The following METTL22 variants were observed in gnomAD, a reference collection of about 807,000 sequenced individuals.
METTL22 encodes the protein methyltransferase-like protein 22.
METTL22 carries 51 observed loss-of-function variants against 48.4 expected under a neutral mutation model. That is an observed-to-expected ratio of 1.05 (90% CI 0.84 to 1.33). The LOEUF is 1.33. Among genes scored for constraint, METTL22 ranks in the 40% most tolerant of loss-of-function variants. The pLI is 0.00. For missense variants in METTL22, 678 were observed against 526.9 expected (o/e 1.29, Z -2.81); for synonymous variants, 255 against 214.1 (o/e 1.19, Z -1.67).
chr16:8,657,619 T>G, the METTL22 span, among the ~76,000 whole-genome samples: 1 of 152,142 alleles, frequency 6.6e-6, no homozygotes, highest in Non-Finnish European at 1.5e-5. Context: ...TCCACCTTTT[T>G]GAAACTATAG....
chr16:8,641,633 A>T, intron 7 of METTL22: 2 of 322,606 alleles, frequency 6.2e-6, no homozygotes, highest in South Asian at 4.3e-5. Context: ...CTTTCTTTGT[A>T]TAAAGATGTC....
At chr16:8,637,546 G>A (rs925912466) in intron 5 of METTL22, among the ~76,000 whole-genome samples, 5 of 152,256 alleles carry the variant, frequency 3.3e-5, no homozygotes, top group Non-Finnish European at 7.3e-5. Flanking sequence ...AGAGCCCAGG[G>A]TTCCTATCTC....
At position 8,642,220 on chromosome 16, in the gene METTL22, C is replaced by T. The variant is rs1329267598; in HGVS notation, c.907+13C>T. On this transcript the variant is annotated intron_variant, in intron 8 of 10. Transcript: ENST00000381920. The stretch of plus-strand genomic sequence containing the variant: ...TTTGCAGCCGAAGGTAAGAAAATTT[C>T]TCCTTCGCCGTACACGTCCTTTGTT... The T allele has an allele frequency of 1.2e-6, 2 of 1,604,152 alleles. No homozygotes were observed. Among genetic ancestry groups the T allele is most frequent in the South Asian group, 1.1e-5 (1 of 90,884 alleles).
downstream of METTL22, among the ~76,000 whole-genome samples, chr16:8,652,356 G>A (rs546825922): frequency 6.6e-6 from 1 of 151,716 alleles, no homozygotes; most frequent in East Asian, 1.9e-4. Context: ...CTACTCAGGA[G>A]GCTGAGGCAC....
Position 8,644,741 on chromosome 16 carries a change from G to T in METTL22, c.1179+16G>T. On this transcript the variant is annotated intron_variant, in intron 10 of 10. Coordinates refer to ENST00000381920, the MANE Select transcript of METTL22 (RefSeq NM_024109.4). ...CCAGCAACTGGTAGGTCCAGGCCCC[G>T]AAGCAGGGCCGTTGGTTGCTTTACT... The T allele has an allele frequency of 1.3e-6, 2 of 1,542,806 alleles. No homozygotes were observed. The highest frequency in any genetic ancestry group is 1.7e-6 in the Non-Finnish European group (2 of 1,143,912).
chr16:8,651,630 T>C (rs1389925618), downstream of METTL22, among the ~76,000 whole-genome samples: 1 of 152,026 alleles, frequency 6.6e-6, no homozygotes, highest in East Asian at 1.9e-4. Flanking sequence ...AGGGATCCTG[T>C]TTGCCACCCT....
chr16:8,649,396 C>G lies in METTL22; in HGVS notation c.*3253C>G, dbSNP rs1225611010. On this transcript the variant is annotated 3_prime_UTR_variant, in exon 11 of 11. Coordinates refer to ENST00000381920, the MANE Select transcript of METTL22 (RefSeq NM_024109.4). ...GGGGATGTTCTGCTAGGTAATTAGC[C>G]CAGGCCAGTGGACTCAATTTTTTTA... 6.6e-6 allele frequency: 1 copy of G among 152,082 alleles called. No homozygotes were observed. The highest frequency in any genetic ancestry group is 2.4e-5 in the African/African-American group (1 of 41,406). The allele number at this position is 152,082 out of a possible 1,614,324, so 9.4% of individuals were successfully genotyped here.
chr16:8,657,820 C>CTTTTTTTTTTTTTTTT, the METTL22 span, among the ~76,000 whole-genome samples: 3,437 of 135,604 alleles, frequency 0.025, 222 homozygotes, highest in African/African-American at 0.038. Context: ...CTTTTCTTTT[C>CTTTTTTTTTTTTTTTT]TTTCTTTTTT....
In METTL22 at chr16:8,642,612, G is replaced by A. The variant is rs138094737; in HGVS notation, c.1010+47G>A. ...CCGTGCTGACGTCCCGAGTGTCAGC[G>A]GAACTCTCACCTCCTAATTGTGTCC... On this transcript the variant is annotated intron_variant, in intron 9 of 10. Transcript: ENST00000381920. 271 of 1,536,042 alleles carry A rather than the reference G, an allele frequency of 1.8e-4. 3 individuals are homozygous for A. In the African/African-American group the frequency reaches 2.9e-3, roughly 17 times the overall value.
At chr16:8,634,730 G>A (rs2056370709) in intron 3 of METTL22, among the ~76,000 whole-genome samples, 1 of 152,190 alleles carries the variant, frequency 6.6e-6, no homozygotes, top group Non-Finnish European at 1.5e-5. Flanking sequence ...TGCACTGCAT[G>A]TGGGTGCAAT....
chr16:8,625,560 A>G lies in METTL22; in HGVS notation c.-106A>G. Reference sequence around the variant, plus strand: ...CCAGGGCGATGCAAAGCTACTCGCTACCAGCTTGGACCTGTCTGCAGTATC... The same window carrying G: ...CCAGGGCGATGCAAAGCTACTCGCTGCCAGCTTGGACCTGTCTGCAGTATC... On this transcript the variant is annotated 5_prime_UTR_variant, in exon 2 of 11. Transcript: ENST00000381920. 9.1e-7 allele frequency: 1 copy of G among 1,104,322 alleles called. No individual in the cohort carries two copies. The highest frequency in any genetic ancestry group is 1.3e-6 in the Non-Finnish European group (1 of 787,522). 68.4% of individuals were successfully genotyped at this position (1,104,322 alleles called of 1,614,324 possible).
chr16:8,649,855 T>C (rs2056868371), downstream of METTL22, among the ~76,000 whole-genome samples: 1 of 151,892 alleles, frequency 6.6e-6, no homozygotes, highest in Non-Finnish European at 1.5e-5. Flanking sequence ...TCCCCAAAGC[T>C]TCTCAAACTA....
At chr16:8,658,829 A>G in the METTL22 span, among the ~76,000 whole-genome samples, 2 of 152,128 alleles carry the variant, frequency 1.3e-5, no homozygotes, top group Non-Finnish European at 1.5e-5. Flanking sequence ...AGGGCCCACA[A>G]GGCCCTCCAA....
rs529770834 is a variant in METTL22 at position 8,628,331 on chromosome 16, C to G, written c.134-399C>G. Among the ~76,000 whole-genome samples the G allele has an allele frequency of 3.9e-5, 6 of 152,092 alleles. No homozygotes were observed. The South Asian group carries it at 8.3e-4, about 21-fold the overall frequency. On this transcript the variant is annotated intron_variant, in intron 2 of 10. Transcript: ENST00000381920. ...GACAGATTCAAAAACTGGCATAAAC[C>G]CGGGATGCTGTGTGAGCTTAGAGGA... is the stretch of plus-strand genomic sequence containing the variant.
At chr16:8,632,572 C>G (rs946451572) in intron 3 of METTL22, among the ~76,000 whole-genome samples, 1 of 152,110 alleles carries the variant, frequency 6.6e-6, no homozygotes, top group African/African-American at 2.4e-5. Flanking sequence ...GTCATGTCCC[C>G]CTTCTGGGCT....
chr16:8,646,358 T>C lies in METTL22; in HGVS notation c.*215T>C, dbSNP rs573641928. The C allele has an allele frequency of 6.4e-4, 461 of 716,356 alleles. 3 individuals are homozygous for C. The African/African-American group carries it at 6.6e-3, about 10-fold the overall frequency. 44.4% of individuals were successfully genotyped at this position (716,356 alleles called of 1,614,324 possible). ...TGCTGTGGGCTGGAGGTCACTTTAG[T>C]TGCCTGTTTCTCATGGTTGTGATGT... On this transcript the variant is annotated 3_prime_UTR_variant, in exon 11 of 11. Transcript: ENST00000381920.
downstream of METTL22, among the ~76,000 whole-genome samples, chr16:8,650,892 G>T (rs1384023603): frequency 6.6e-6 from 1 of 152,112 alleles, no homozygotes; most frequent in Non-Finnish European, 1.5e-5. Context: ...TGGGCATGGT[G>T]GCGTGCCTGT....
the METTL22 span, among the ~76,000 whole-genome samples, chr16:8,664,609 C>T: frequency 1.1e-4 from 16 of 152,118 alleles, no homozygotes; most frequent in Non-Finnish European, 2.2e-4. Context: ...CATACCACCA[C>T]ACCAGGCTAA....
At chr16:8,636,021 A>G (rs1236979501) in intron 5 of METTL22, among the ~76,000 whole-genome samples, 3 of 152,192 alleles carry the variant, frequency 2.0e-5, no homozygotes, top group Admixed American at 1.3e-4. Flanking sequence ...GTGCAGCTAT[A>G]TTGCAGTGAT....
Sources: gnomAD v4.1 joint callset for allele counts (sites outside exome capture counted in the v4.1 genomes callset) on GRCh38, gnomAD v4.1.1 for gene constraint, MANE v1.5 for transcripts, NCBI Gene and HGNC (gene_info 2026-07-23, HGNC 2026-07-21) for gene names.